The following SLC35D4 variants were observed in gnomAD, a reference collection of about 807,000 sequenced individuals.
SLC35D4 encodes the protein solute carrier family 35 member D4.
the SLC35D4 span, among the ~76,000 whole-genome samples, chr18:23,285,575 T>G: frequency 6.6e-6 from 1 of 152,182 alleles, no homozygotes; most frequent in Non-Finnish European, 1.5e-5. Context: ...AGGCCGTCCC[T>G]AGTCTCTGTT....
At chr18:23,338,608 T>G in the SLC35D4 span, among the ~76,000 whole-genome samples, 1 of 152,172 alleles carries the variant, frequency 6.6e-6, no homozygotes, top group Admixed American at 6.5e-5. Context: ...TGACTCTACA[T>G]AATGCTCTGT....
At chr18:23,401,416 T>G in the SLC35D4 span, among the ~76,000 whole-genome samples, 1 of 152,244 alleles carries the variant, frequency 6.6e-6, no homozygotes. Context: ...GTTACACTAG[T>G]CGTGCTGTAA....
At chr18:23,321,782 C>T in the SLC35D4 span, among the ~76,000 whole-genome samples, 2 of 152,170 alleles carry the variant, frequency 1.3e-5, no homozygotes, top group Non-Finnish European at 1.5e-5. Context: ...TGAACAACTT[C>T]CCATTCAGCA....
chr18:23,369,603 A>AT, the SLC35D4 span, among the ~76,000 whole-genome samples: 1 of 152,068 alleles, frequency 6.6e-6, no homozygotes, highest in Non-Finnish European at 1.5e-5. Flanking sequence ...GGCCACATAC[A>AT]TTTCATTCAC....
chr18:23,252,417 C>T, the SLC35D4 span, among the ~76,000 whole-genome samples: 2,563 of 152,298 alleles, frequency 0.017, 272 homozygotes, highest in Admixed American at 0.15. Flanking sequence ...AGAACATTAG[C>T]TAACATGTAT....
At chr18:23,433,367 A>G in the SLC35D4 span, among the ~76,000 whole-genome samples, 2 of 152,008 alleles carry the variant, frequency 1.3e-5, no homozygotes, top group East Asian at 3.9e-4. Context: ...CTGTTTACCC[A>G]TTTATTTTCA....
chr18:23,319,738 C>T, the SLC35D4 span, among the ~76,000 whole-genome samples: 10 of 152,282 alleles, frequency 6.6e-5, no homozygotes, highest in South Asian at 2.1e-3. Flanking sequence ...CGCGCCCTGC[C>T]TATTTCAGCA....
chr18:23,367,379 T>C, the SLC35D4 span, among the ~76,000 whole-genome samples: 1 of 151,994 alleles, frequency 6.6e-6, no homozygotes, highest in Non-Finnish European at 1.5e-5. Flanking sequence ...CTGGATGGCA[T>C]GAGTTTTGAT....
the SLC35D4 span, among the ~76,000 whole-genome samples, chr18:23,254,122 T>A: frequency 6.6e-6 from 1 of 152,230 alleles, no homozygotes; most frequent in African/African-American, 2.4e-5. Context: ...AGGGATGATC[T>A]ACTTTGACAA....
the SLC35D4 span, among the ~76,000 whole-genome samples, chr18:23,422,159 G>T: frequency 1.3e-5 from 2 of 152,152 alleles, no homozygotes; most frequent in East Asian, 3.9e-4. Flanking sequence ...ATAGATTTGG[G>T]GGTATATATG....
chr18:23,367,468 G>C, the SLC35D4 span, among the ~76,000 whole-genome samples: 1 of 152,142 alleles, frequency 6.6e-6, no homozygotes, highest in East Asian at 1.9e-4. Flanking sequence ...GAGGGGTGCT[G>C]GGGGACGGGA....
chr18:23,304,233 C>A, the SLC35D4 span, among the ~76,000 whole-genome samples: 1 of 146,388 alleles, frequency 6.8e-6, no homozygotes, highest in Non-Finnish European at 1.5e-5. Flanking sequence ...GCCGAGATTG[C>A]GCCACTGCAC....
chr18:23,246,654 G>A, the SLC35D4 span, among the ~76,000 whole-genome samples: 1 of 151,652 alleles, frequency 6.6e-6, no homozygotes, highest in Non-Finnish European at 1.5e-5. Flanking sequence ...GCCTCCCAAA[G>A]TGCTGGGATT....
chr18:23,387,101 G>A, the SLC35D4 span, among the ~76,000 whole-genome samples: 46,696 of 151,880 alleles, frequency 0.31, 8,555 homozygotes, highest in East Asian at 0.47. Context: ...TAGTAGAATC[G>A]GGGTTTCACC....
At chr18:23,333,554 A>G in the SLC35D4 span, among the ~76,000 whole-genome samples, 4 of 151,878 alleles carry the variant, frequency 2.6e-5, no homozygotes, top group Non-Finnish European at 5.9e-5. Flanking sequence ...GCCAAATGGC[A>G]GCAAATGTTT....
chr18:23,298,652 A>G, the SLC35D4 span, among the ~76,000 whole-genome samples: 1 of 152,224 alleles, frequency 6.6e-6, no homozygotes, highest in Admixed American at 6.5e-5. Flanking sequence ...GAATATTTTA[A>G]CATGCCTCTA....
At chr18:23,253,658 G>C in the SLC35D4 span, 1 of 1,255,794 alleles carries the variant, frequency 8.0e-7, no homozygotes, top group Non-Finnish European at 1.1e-6. Context: ...CATTCAAGAT[G>C]GGGGAGTTTT....
chr18:23,305,217 G>A, the SLC35D4 span, among the ~76,000 whole-genome samples: 4 of 152,196 alleles, frequency 2.6e-5, no homozygotes, highest in Admixed American at 2.6e-4. Flanking sequence ...GGACTGTCTT[G>A]TCCTGGGTGA....
chr18:23,413,770 A>AAAAAAT, the SLC35D4 span, among the ~76,000 whole-genome samples: 22 of 151,148 alleles, frequency 1.5e-4, 1 homozygote, highest in African/African-American at 5.1e-4. Context: ...ACTAAAAATA[A>AAAAAAT]AAAAATAAAA....
Sources: allele counts gnomAD v4.1 joint callset (sites outside exome capture counted in the v4.1 genomes callset), GRCh38; gene constraint gnomAD v4.1.1; transcripts MANE v1.5; gene names NCBI Gene and HGNC (gene_info 2026-07-23, HGNC 2026-07-21).